RFX6: variants seen among roughly 807,000 people sequenced by gnomAD.
RFX6 encodes DNA-binding protein RFX6.
In RFX6, 50 loss-of-function variants were observed where a neutral mutation model predicts 110.8. That is an observed-to-expected ratio of 0.45 (90% CI 0.36 to 0.57). The LOEUF (loss-of-function observed/expected upper bound fraction) is 0.57. Ranked by LOEUF, RFX6 falls within the 20% of genes least tolerant of loss-of-function variation. The probability of loss-of-function intolerance (pLI) is 0.00; values close to 1 mark genes in which losing one functional copy is unlikely to be tolerated. For missense variants in RFX6, 990 were observed against 1,127.0 expected (o/e 0.88, Z 1.74); for synonymous variants, 383 against 411.2 (o/e 0.93, Z 0.83).
At chr6:116,899,004 A>G (rs1775010532) in intron 6 of RFX6, among the ~76,000 whole-genome samples, 1 of 152,218 alleles carries the variant, frequency 6.6e-6, no homozygotes, top group African/African-American at 2.4e-5. Flanking sequence ...TGGTTGTTCA[A>G]ATCATTTTCT....
In RFX6 at chr6:116,894,081, T is replaced by C. The variant is rs765072212; in HGVS notation, c.644+17T>C. The C allele has an allele frequency of 1.5e-6, 2 of 1,333,316 alleles. No individual in the cohort carries two copies. Among genetic ancestry groups the C allele is most frequent in the Non-Finnish European group, 2.2e-6 (2 of 923,768 alleles). 82.6% of individuals were successfully genotyped at this position (1,333,316 alleles called of 1,614,324 possible). ...CTTGACAAGGTAGAGTTACACCATC[T>C]TCAAGACAAATTCTCTGTGTTTCTT... On this transcript the variant is annotated intron_variant, in intron 5 of 18. Coordinates refer to ENST00000332958, the MANE Select transcript of RFX6 (RefSeq NM_173560.4).
chr6:116,910,919 T>C lies in RFX6; in HGVS notation c.673-16T>C, dbSNP rs372104627. The C allele has an allele frequency of 7.6e-6, 12 of 1,570,052 alleles. No individual in the cohort carries two copies. In the African/African-American group the frequency reaches 1.4e-4, roughly 18 times the overall value. The stretch of plus-strand genomic sequence containing the variant: ...GTTGATAATGATGTATTTGTTTTCA[T>C]TTTTCTAAATTATAGGGTGGCTTCA... On this transcript the variant is annotated splice_polypyrimidine_tract_variant and intron_variant, in intron 6 of 18. Transcript: ENST00000332958.
intron 4 of RFX6, among the ~76,000 whole-genome samples, chr6:116,890,261 G>T (rs994700820): frequency 1.3e-5 from 2 of 152,212 alleles, no homozygotes; most frequent in African/African-American, 4.8e-5. Context: ...TGGGGATAAT[G>T]CTCTACTTGC....
At position 116,927,500 on chromosome 6, in the gene RFX6, A is replaced by C; in HGVS notation, c.2359A>C (p.Ser787Arg). The change falls in exon 17 of 19, where the codon AGC becomes CGC. Residue 787 changes from serine (S) to arginine (R), a missense_variant. By Grantham distance (110) the Ser-to-Arg change is moderately radical (BLOSUM62 -1). Around this residue, in one of 5 missense-constraint regions of RFX6, gnomAD observed 438 missense variants for 441.9 expected, o/e 0.99. Transcript: ENST00000332958. ...FNFLSNTGAA[S>R]CQGATLPPNS... ...TTTCTTGAGCAACACAGGAGCTGCC[A>C]GCTGCCAAGGAGCAACACTGCCTCC... The C allele has an allele frequency of 6.2e-7, 1 of 1,614,048 alleles. No individual in the cohort carries two copies. The highest frequency in any genetic ancestry group is 8.5e-7 in the Non-Finnish European group (1 of 1,180,020).
chr6:116,931,495 G>A lies in RFX6; in HGVS notation c.2776G>A (p.Gly926Arg). The change falls in exon 19 of 19, where the codon GGA becomes AGA. Residue 926 changes from glycine to arginine, a missense_variant. Physicochemically the swap from Gly to Arg is moderately radical, Grantham distance 125. This residue lies in a region of RFX6 where 438 missense variants were observed against 441.9 expected (regional missense o/e 0.99). Coordinates refer to ENST00000332958, the MANE Select transcript of RFX6 (RefSeq NM_173560.4). ...CACTGTGTTCATGGGAACAGCAGCT[G>A]GAGGCACTTAAACCACCAATGTGGG... ...INTVFMGTAA[G>R]GT is the part of the protein sequence containing the mutation. 6.2e-7 allele frequency: 1 copy of A among 1,612,956 alleles called. No homozygotes were observed. The highest frequency in any genetic ancestry group is 8.5e-7 in the Non-Finnish European group (1 of 1,179,178).
At chr6:116,880,699 T>A in intron 3 of RFX6, 32 bp downstream of exon 3, 2 of 1,609,832 alleles carry the variant, frequency 1.2e-6, no homozygotes, top group Middle Eastern at 1.7e-4. Flanking sequence ...TAGTGACTTA[T>A]AACTAAAGTC....
intron 12 of RFX6, among the ~76,000 whole-genome samples, chr6:116,921,234 A>G (rs1775587934): frequency 6.6e-6 from 1 of 152,242 alleles, no homozygotes; most frequent in Non-Finnish European, 1.5e-5. Flanking sequence ...TTTGAGATTC[A>G]GTAAACCTTA....
chr6:116,919,270 C>G lies in RFX6; in HGVS notation c.1156C>G (p.Gln386Glu), dbSNP rs1258024715. 1.9e-6 allele frequency: 3 copies of G among 1,613,356 alleles called. No individual in the cohort carries two copies. The African/African-American group carries it at 4.0e-5, about 22-fold the overall frequency. Residue 386 changes from glutamine (Q) to glutamate (E), a missense_variant, in exon 11 of 19, where the codon CAA (glutamine) becomes GAA (glutamate). Coordinates refer to ENST00000332958, the MANE Select transcript of RFX6 (RefSeq NM_173560.4). ...AAGATTTGTATCTTCTCTGAAACGACAAACATCTTTCTTACATCTTGCCCA... is the reference window on the plus strand; with the variant it reads ...AAGATTTGTATCTTCTCTGAAACGAGAAACATCTTTCTTACATCTTGCCCA... ...VRRFVSSLKRQTSFLHLAQIA... is the reference protein window; with the variant it reads ...VRRFVSSLKRETSFLHLAQIA...
chr6:116,923,852 T>C (rs1368633197), intron 14 of RFX6, among the ~76,000 whole-genome samples: 2 of 152,316 alleles, frequency 1.3e-5, no homozygotes, highest in South Asian at 4.1e-4. Flanking sequence ...ACTCCTATTT[T>C]ATAGTTATAA....
At chr6:116,902,797 C>T (rs772522255) in intron 6 of RFX6, among the ~76,000 whole-genome samples, 4 of 151,996 alleles carry the variant, frequency 2.6e-5, no homozygotes, top group Non-Finnish European at 5.9e-5. Context: ...TCAAATCCTC[C>T]CTCCTTGGTA....
chr6:116,911,714 A>C (rs1467269219), intron 7 of RFX6, among the ~76,000 whole-genome samples: 2 of 152,158 alleles, frequency 1.3e-5, no homozygotes, highest in African/African-American at 2.4e-5. Context: ...TTAGAGCATA[A>C]TTATTTCTAC....
chr6:116,919,199 A>T lies in RFX6; in HGVS notation c.1085A>T (p.Glu362Val). The change falls in exon 11 of 19, where the codon GAA (glutamate) becomes GTA (valine). Residue 362 changes from glutamate to valine, a missense_variant. Physicochemically the swap from Glu to Val is moderately radical, Grantham distance 121. Transcript: ENST00000332958. ...NWEQWVVSSLENLPEALTDKK... is the reference protein window; with the variant it reads ...NWEQWVVSSLVNLPEALTDKK... ...GAACAGTGGGTTGTTTCATCCTTGG[A>T]AAACTTGCCAGAAGCTCTAACTGAC... 1 of 1,613,700 alleles carries T rather than the reference A, an allele frequency of 6.2e-7. No individual in the cohort carries two copies.
chr6:116,916,329 A>T lies in RFX6; in HGVS notation c.972+15A>T, dbSNP rs772020406. 4.1e-6 allele frequency: 6 copies of T among 1,460,060 alleles called. No homozygotes were observed. The South Asian group carries it at 6.8e-5, about 17-fold the overall frequency. 90.4% of individuals were successfully genotyped at this position (1,460,060 alleles called of 1,614,324 possible). A position where few individuals can be genotyped will look rare whatever the true frequency, so the allele number is the denominator to read the frequency against. ...TTCTTTATAAGGTAAGCACTTTGGG[A>T]TGTCTTAAACATGAGCCATTTATTT... On this transcript the variant is annotated intron_variant, in intron 9 of 18. Coordinates refer to ENST00000332958, the MANE Select transcript of RFX6 (RefSeq NM_173560.4).
At chr6:116,886,879 A>C (rs980885005) in intron 4 of RFX6, among the ~76,000 whole-genome samples, 1 of 152,142 alleles carries the variant, frequency 6.6e-6, no homozygotes, top group Non-Finnish European at 1.5e-5. Context: ...CCTGGCTAAC[A>C]TGGTGAAACC....
intron 6 of RFX6, among the ~76,000 whole-genome samples, chr6:116,908,369 T>C (rs1582525220): frequency 6.6e-6 from 1 of 152,156 alleles, no homozygotes; most frequent in Non-Finnish European, 1.5e-5. Flanking sequence ...AAAAAAACTT[T>C]ATTGTTAACC....
At chr6:116,912,423 C>T (rs1316632824) in intron 7 of RFX6, among the ~76,000 whole-genome samples, 1 of 152,142 alleles carries the variant, frequency 6.6e-6, no homozygotes, top group African/African-American at 2.4e-5. Flanking sequence ...CCAAGGGAGT[C>T]TCTCAAACTA....
intron 12 of RFX6, among the ~76,000 whole-genome samples, 154 bp downstream of exon 12, chr6:116,920,608 C>T (rs973354761): frequency 2.0e-5 from 3 of 151,918 alleles, no homozygotes; most frequent in African/African-American, 2.4e-5. Flanking sequence ...GTAGCAGCCT[C>T]CCCCAAGCTG....
At chr6:116,892,421 A>G (rs1432562169) in intron 4 of RFX6, among the ~76,000 whole-genome samples, 3 of 152,018 alleles carry the variant, frequency 2.0e-5, no homozygotes, top group Non-Finnish European at 4.4e-5. Context: ...TCCCTGTTCA[A>G]CTCCCCAGGC....
intron 6 of RFX6, among the ~76,000 whole-genome samples, chr6:116,901,115 C>A (rs187901835): frequency 3.5e-4 from 54 of 152,220 alleles, no homozygotes; most frequent in Admixed American, 1.8e-3. Flanking sequence ...TGATTTTGCC[C>A]TACTGTAACC....
Sources: allele counts gnomAD v4.1 joint callset (sites outside exome capture counted in the v4.1 genomes callset), GRCh38; gene constraint gnomAD v4.1.1; regional missense constraint gnomAD v4.1.1; transcripts MANE v1.5; gene names NCBI Gene and HGNC (gene_info 2026-07-23, HGNC 2026-07-21).